The following GALNTL6 variants were observed in gnomAD, a reference collection of about 807,000 sequenced individuals.
The protein encoded by GALNTL6 is polypeptide N-acetylgalactosaminyltransferase-like 6.
A neutral mutation model predicts 73.7 loss-of-function variants in GALNTL6; 46 were observed. That is an observed-to-expected ratio of 0.62 (90% confidence interval 0.49 to 0.80). GALNTL6 has a LOEUF of 0.80. GALNTL6 is among the 30% of genes least tolerant of loss of function. GALNTL6 has a pLI of 0.00. For synonymous variants in GALNTL6, 259 were observed against 263.7 expected, an observed-to-expected ratio of 0.98 and a Z score of 0.17; for missense variants, 604 against 755.0, an observed-to-expected ratio of 0.80 and a Z score of 2.34.
chr4:172,954,314 C>G (rs1028235870), intron 10 of GALNTL6, among the ~76,000 whole-genome samples: 1 of 152,160 alleles, frequency 6.6e-6, no homozygotes, highest in Non-Finnish European at 1.5e-5. Context: ...CAGGAATAAT[C>G]AAAATCAGAA....
At chr4:171,829,556 C>G (rs1422834008) in intron 2 of GALNTL6, among the ~76,000 whole-genome samples, 1 of 152,012 alleles carries the variant, frequency 6.6e-6, no homozygotes, top group Non-Finnish European at 1.5e-5. Flanking sequence ...ATACTTTTTC[C>G]CCCTGGAATT....
At chr4:172,647,158 T>G (rs1299470816) in intron 5 of GALNTL6, among the ~76,000 whole-genome samples, 1 of 152,066 alleles carries the variant, frequency 6.6e-6, no homozygotes, top group East Asian at 1.9e-4. Context: ...GGTCAGTTAA[T>G]TATTGTCAGT....
chr4:172,332,414 T>C (rs1741161183), intron 4 of GALNTL6, among the ~76,000 whole-genome samples: 1 of 152,084 alleles, frequency 6.6e-6, no homozygotes, highest in East Asian at 1.9e-4. Flanking sequence ...TACTTTATGT[T>C]TTTATCTTTT....
chr4:171,823,847 G>A (rs1259257750), intron 2 of GALNTL6, among the ~76,000 whole-genome samples: 1 of 151,062 alleles, frequency 6.6e-6, no homozygotes, highest in Non-Finnish European at 1.5e-5. Context: ...AGTATAGTAA[G>A]TGGGGATAGA....
At chr4:172,204,237 A>G (rs1327035704) in intron 2 of GALNTL6, among the ~76,000 whole-genome samples, 3 of 152,214 alleles carry the variant, frequency 2.0e-5, no homozygotes, top group Non-Finnish European at 4.4e-5. Context: ...ATACCAAAAT[A>G]CATTTATATA....
intron 10 of GALNTL6, among the ~76,000 whole-genome samples, chr4:173,004,170 C>G (rs1001262352): frequency 2.0e-5 from 3 of 151,642 alleles, no homozygotes; most frequent in Non-Finnish European, 2.9e-5. Context: ...GGCAACAGAG[C>G]AAGACCCTAT....
intron 2 of GALNTL6, among the ~76,000 whole-genome samples, chr4:172,028,244 A>G (rs1187880532): frequency 6.6e-6 from 1 of 152,084 alleles, no homozygotes; most frequent in Non-Finnish European, 1.5e-5. Context: ...GTTACATCAC[A>G]AAATTCATGA....
chr4:172,250,922 A>G (rs896213038), intron 3 of GALNTL6, among the ~76,000 whole-genome samples: 28 of 152,200 alleles, frequency 1.8e-4, no homozygotes, highest in African/African-American at 6.5e-4. Flanking sequence ...AGCACACTGC[A>G]CAACTTAGTC....
At chr4:172,166,363 T>C (rs1297019253) in intron 2 of GALNTL6, among the ~76,000 whole-genome samples, 1 of 152,044 alleles carries the variant, frequency 6.6e-6, no homozygotes, top group Admixed American at 6.6e-5. Context: ...GGAGAATCGC[T>C]TGAACCCAGG....
intron 2 of GALNTL6, among the ~76,000 whole-genome samples, chr4:171,860,926 A>G (rs1735814507): frequency 2.0e-5 from 3 of 152,152 alleles, no homozygotes; most frequent in South Asian, 4.1e-4. Flanking sequence ...CCAGAATAGA[A>G]CAACCTCTGA....
At chr4:172,246,455 G>T (rs2111004258) in intron 3 of GALNTL6, among the ~76,000 whole-genome samples, 1 of 152,096 alleles carries the variant, frequency 6.6e-6, no homozygotes, top group Non-Finnish European at 1.5e-5. Flanking sequence ...TACAAACAAA[G>T]ACATTATTGG....
At chr4:172,388,321 C>T (rs972866109) in intron 5 of GALNTL6, among the ~76,000 whole-genome samples, 7 of 152,124 alleles carry the variant, frequency 4.6e-5, no homozygotes, top group African/African-American at 9.7e-5. Context: ...AATTTAAAAT[C>T]ATAGAACGCA....
intron 5 of GALNTL6, among the ~76,000 whole-genome samples, chr4:172,357,251 A>G (rs555664467): frequency 6.6e-6 from 1 of 152,228 alleles, no homozygotes; most frequent in South Asian, 2.1e-4. Context: ...AGCTTCACAG[A>G]CTGATGTGCC....
rs374928550 is a variant in GALNTL6, at chr4:172,605,136, A to T, written c.554-204225A>T. On this transcript the variant is annotated intron_variant, in intron 5 of 12. Coordinates refer to ENST00000506823, the MANE Select transcript of GALNTL6 (RefSeq NM_001034845.3). ...AGACAAAATGAATTACATCAAAGCC[A>T]CTGACAGTAACCTCAATATCTGTGG... 7.9e-5 allele frequency among the ~76,000 whole-genome samples: 12 copies of T among 152,346 alleles called. No individual in the cohort carries two copies. The East Asian group carries it at 2.3e-3, about 29-fold the overall frequency.
Position 172,377,744 on chromosome 4 carries a change from G to C in GALNTL6, c.553+29055G>C, listed in dbSNP as rs563342373. ...GGCACGGGTAGGCTGGCAGTGCTGG[G>C]GTACCTGGTGCACCCTCCGCAGACG... is the stretch of plus-strand genomic sequence containing the variant. On this transcript the variant is annotated intron_variant, in intron 5 of 12. Coordinates refer to ENST00000506823, the MANE Select transcript of GALNTL6 (RefSeq NM_001034845.3). 7.1e-4 allele frequency among the ~76,000 whole-genome samples: 108 copies of C among 152,238 alleles called. 1 individual carries two copies. Among genetic ancestry groups the C allele is most frequent in the Non-Finnish European group, 1.5e-4 (10 of 67,998 alleles).
At position 172,334,681 on chromosome 4, in the gene GALNTL6, T is replaced by A. The variant is rs181248603; in HGVS notation, c.387-13842T>A. Among the ~76,000 whole-genome samples, 735 of 152,284 alleles carry A rather than the reference T, an allele frequency of 4.8e-3. 1 individual carries two copies. The highest frequency in any genetic ancestry group is 0.01 in the Middle Eastern group (3 of 294). ...TCATGTCATCAGAGAAGAAAAAAAA[T>A]TTGATTTTATCTTTTCATATTTGGT... On this transcript the variant is annotated intron_variant, in intron 4 of 12. Transcript: ENST00000506823.
rs779306289 is a variant in GALNTL6 at position 172,840,214 on chromosome 4, G to T, written c.923+26491G>T. Among the ~76,000 whole-genome samples, 5 of 152,306 alleles carry T rather than the reference G, an allele frequency of 3.3e-5. No homozygotes were observed. The East Asian group carries it at 9.6e-4, about 29-fold the overall frequency. On this transcript the variant is annotated intron_variant, in intron 7 of 12. Transcript: ENST00000506823. ...TTAATGATGTATTTTATCTCAAAATGTTGAGTCACTGGAACTGTTATAATG... is the reference window on the plus strand; with the variant it reads ...TTAATGATGTATTTTATCTCAAAATTTTGAGTCACTGGAACTGTTATAATG...
At chr4:172,156,242 C>CTTTCTTCCTG (rs1189555846) in intron 2 of GALNTL6, among the ~76,000 whole-genome samples, 1 of 152,016 alleles carries the variant, frequency 6.6e-6, no homozygotes, top group African/African-American at 2.4e-5. Flanking sequence ...TCTCGGCCAG[C>CTTTCTTCCTG]TTTCTTCCTG....
At chr4:171,999,990 A>C (rs1393779701) in intron 2 of GALNTL6, among the ~76,000 whole-genome samples, 1 of 152,118 alleles carries the variant, frequency 6.6e-6, no homozygotes, top group Non-Finnish European at 1.5e-5. Context: ...GGGAAAGTAA[A>C]AGTTTTCTTT....
Sources: gnomAD v4.1 joint callset for allele counts (sites outside exome capture counted in the v4.1 genomes callset) on GRCh38, gnomAD v4.1.1 for gene constraint, MANE v1.5 for transcripts, NCBI Gene and HGNC (gene_info 2026-07-23, HGNC 2026-07-21) for gene names.